The following COLEC12 variants were observed in gnomAD, a reference collection of about 807,000 sequenced individuals.
COLEC12 encodes collectin-12.
A neutral mutation model predicts 71.1 loss-of-function variants in COLEC12; 33 were observed. That is an observed-to-expected ratio of 0.46 (90% CI 0.35 to 0.62). The LOEUF (loss-of-function observed/expected upper bound fraction) is 0.62. Ranked by LOEUF, COLEC12 falls within the 20% of genes least tolerant of loss-of-function variation. COLEC12 has a pLI of 0.00. For missense variants in COLEC12, 765 were observed against 916.1 expected, an observed-to-expected ratio of 0.84 and a Z score of 2.13; for synonymous variants, 350 against 353.0, an observed-to-expected ratio of 0.99 and a Z score of 0.10.
Position 347,160 on chromosome 18 carries a change from T to C in COLEC12, c.462A>G (p.Lys154=), listed in dbSNP as rs752770409. 1.2e-6 allele frequency: 2 copies of C among 1,614,246 alleles called. No homozygotes were observed. The highest frequency in any genetic ancestry group is 8.5e-7 in the Non-Finnish European group (1 of 1,180,046). Residue 154 remains lysine (K), a synonymous_variant, in exon 5 of 10, where the codon AAA becomes AAG. Transcript: ENST00000400256. The part of the protein sequence containing the change: ...DALVDRQSQL[K]ETLENNSFLI... Reference sequence around the variant, plus strand: ...GGAAAGAGTTATTCTCCAAAGTTTCTTTCAATTGACTCTGCCTGTCCACCA... The same window carrying C: ...GGAAAGAGTTATTCTCCAAAGTTTCCTTCAATTGACTCTGCCTGTCCACCA...
At chr18:460,657 C>T (rs558260698) in intron 2 of COLEC12, among the ~76,000 whole-genome samples, 37 of 152,290 alleles carry the variant, frequency 2.4e-4, no homozygotes, top group Non-Finnish European at 4.0e-4. Flanking sequence ...CAAAAAGGCA[C>T]GTGAGAAGCC....
In COLEC12 at chr18:319,359, TATATAC is replaced by T. The variant is rs1283707343; in HGVS notation, c.*680_*685del. 0.044 allele frequency: 5,892 copies of T among 134,538 alleles called. 367 individuals carry two copies. The highest frequency in any genetic ancestry group is 0.063 in the Non-Finnish European group (3,960 of 62,600). The allele number at this position is 134,538 out of a possible 1,614,324, so 8.3% of individuals were successfully genotyped here. A position where few individuals can be genotyped will look rare whatever the true frequency, so the allele number is the denominator to read the frequency against. ...AAAAAAAAATATATATATATATATATATATACACATGTATATTTAATTATTTTTTTA... is the reference window on the plus strand; with the variant it reads ...AAAAAAAAATATATATATATATATATACATGTATATTTAATTATTTTTTTA... On this transcript the variant is annotated 3_prime_UTR_variant, in exon 10 of 10. Coordinates refer to ENST00000400256, the MANE Select transcript of COLEC12 (RefSeq NM_130386.3).
At position 441,067 on chromosome 18, in the gene COLEC12, T is replaced by G. The variant is rs190020605; in HGVS notation, c.58+39640A>C. 5.3e-3 allele frequency among the ~76,000 whole-genome samples: 754 copies of G among 142,174 alleles called. 7 individuals are homozygous for G. Among genetic ancestry groups the G allele is most frequent in the Middle Eastern group, 0.018 (5 of 282 alleles). 93.3% of individuals were successfully genotyped at this position (142,174 alleles called of 152,430 possible). A position where few individuals can be genotyped will look rare whatever the true frequency, so the allele number is the denominator to read the frequency against. On this transcript the variant is annotated intron_variant, in intron 2 of 9. Coordinates refer to ENST00000400256, the MANE Select transcript of COLEC12 (RefSeq NM_130386.3). ...ATGGAGACCATCCTGGCTAACACAG[T>G]GAAACCCTGTCTCTACTAAAAATAC...
chr18:340,140 AGAGTT>A (rs1356655609), intron 5 of COLEC12, among the ~76,000 whole-genome samples: 1 of 150,894 alleles, frequency 6.6e-6, no homozygotes, highest in East Asian at 1.9e-4. Context: ...ACTTGAATTC[AGAGTT>A]GAGAAAACAG....
chr18:329,602 G>C lies in COLEC12; in HGVS notation c.2063+2066C>G, dbSNP rs554169259. ...TCATCAGGCAAAGTCTCAAGTGCCA[G>C]ATTATGCCAGGGGGTACCCCTTCCT... is the stretch of plus-strand genomic sequence containing the variant. On this transcript the variant is annotated intron_variant, in intron 8 of 9. Transcript: ENST00000400256. Among the ~76,000 whole-genome samples the C allele has an allele frequency of 1.0e-3, 152 of 152,314 alleles. 1 individual carries two copies. Among genetic ancestry groups the C allele is most frequent in the African/African-American group, 3.2e-3 (133 of 41,564 alleles).
chr18:460,913 C>T lies in COLEC12; in HGVS notation c.58+19794G>A, dbSNP rs1463084232. ...CGTATCCAATTATCACAGGACTTTGCTTTAATGTCTTCATGGTCACGTTTC... is the reference window on the plus strand; with the variant it reads ...CGTATCCAATTATCACAGGACTTTGTTTTAATGTCTTCATGGTCACGTTTC... On this transcript the variant is annotated intron_variant, in intron 2 of 9. Transcript: ENST00000400256. Among the ~76,000 whole-genome samples the T allele has an allele frequency of 2.0e-5, 3 of 152,156 alleles. No individual in the cohort carries two copies. The East Asian group carries it at 5.8e-4, about 29-fold the overall frequency.
intron 2 of COLEC12, among the ~76,000 whole-genome samples, chr18:398,071 A>AC (rs1915607491): frequency 0.16 from 5 of 32 alleles, no homozygotes; most frequent in Non-Finnish European, 0.5. Context: ...AAAAAAACAC[A>AC]AAAAAACAGC....
chr18:348,823 G>GT (rs1419355403), intron 3 of COLEC12, among the ~76,000 whole-genome samples: 6 of 152,184 alleles, frequency 3.9e-5, no homozygotes, highest in African/African-American at 1.4e-4. Context: ...TTTTTTGGTA[G>GT]TATTTTCTTG....
chr18:329,138 C>A (rs756298838), intron 8 of COLEC12, among the ~76,000 whole-genome samples: 14 of 152,102 alleles, frequency 9.2e-5, no homozygotes, highest in Admixed American at 3.9e-4. Flanking sequence ...GGGTACCAAG[C>A]GGGTGCGCTC....
chr18:362,623 T>C lies in COLEC12; in HGVS notation c.59-5101A>G, dbSNP rs489104. Among the ~76,000 whole-genome samples the C allele has an allele frequency of 0.21, 31,546 of 151,992 alleles. 3,441 individuals carry two copies. The highest frequency in any genetic ancestry group is 0.24 in the African/African-American group (9,952 of 41,440). On this transcript the variant is annotated intron_variant, in intron 2 of 9. Transcript: ENST00000400256. The surrounding 1 kb of genome is among the most constrained non-coding windows in gnomAD (Gnocchi z 4.6). ...GGGAAGGAAGGGCTGGGGACTGATA[T>C]ACAGAGTGCTGCAGAGGAGAGATTT...
At chr18:411,203 G>A (rs1056451813) in intron 2 of COLEC12, among the ~76,000 whole-genome samples, 2 of 152,200 alleles carry the variant, frequency 1.3e-5, no homozygotes, top group African/African-American at 4.8e-5. Context: ...GTAATGAGGT[G>A]ATGCCTACCC....
At chr18:372,039 C>A (rs1179802518) in intron 2 of COLEC12, among the ~76,000 whole-genome samples, 1 of 152,096 alleles carries the variant, frequency 6.6e-6, no homozygotes, top group East Asian at 1.9e-4. Context: ...GACTTCTGCT[C>A]TCATTCTTCC....
intron 2 of COLEC12, among the ~76,000 whole-genome samples, chr18:406,150 G>T (rs1915780553): frequency 6.6e-6 from 1 of 152,060 alleles, no homozygotes; most frequent in Non-Finnish European, 1.5e-5. Flanking sequence ...ACTCTATAGG[G>T]TCTAAAAAGG....
intron 2 of COLEC12, among the ~76,000 whole-genome samples, chr18:368,441 G>GCA (rs1441196330): frequency 6.6e-6 from 1 of 152,102 alleles, no homozygotes; most frequent in Non-Finnish European, 1.5e-5. Flanking sequence ...GAGCATAGTG[G>GCA]CACATGCCTG....
intron 2 of COLEC12, among the ~76,000 whole-genome samples, chr18:427,521 T>C (rs761622312): frequency 3.3e-5 from 5 of 152,218 alleles, no homozygotes; most frequent in African/African-American, 1.2e-4. Flanking sequence ...CCTAGCTCTT[T>C]AGAGCTTCTT....
intron 2 of COLEC12, among the ~76,000 whole-genome samples, chr18:428,347 T>C (rs761530730): frequency 2.6e-5 from 4 of 152,170 alleles, no homozygotes; most frequent in Non-Finnish European, 5.9e-5. Context: ...ACTGGGAATA[T>C]GGCAGTGATT....
At chr18:342,850 G>A (rs1402842045) in intron 5 of COLEC12, among the ~76,000 whole-genome samples, 2 of 152,166 alleles carry the variant, frequency 1.3e-5, no homozygotes, top group East Asian at 1.9e-4. Flanking sequence ...AAACACCTTG[G>A]AGCCTGATTT....
At chr18:456,510 C>T (rs1458656745) in intron 2 of COLEC12, among the ~76,000 whole-genome samples, 4 of 152,162 alleles carry the variant, frequency 2.6e-5, no homozygotes, top group Admixed American at 1.3e-4. Context: ...CCTCCAGTGC[C>T]GGAACAGCAG....
intron 2 of COLEC12, among the ~76,000 whole-genome samples, chr18:468,519 T>A (rs1240614299): frequency 6.6e-6 from 1 of 152,112 alleles, no homozygotes; most frequent in Non-Finnish European, 1.5e-5. Context: ...CAGAAGTCTT[T>A]AAATAGCCAA....
Sources: allele counts gnomAD v4.1 joint callset (sites outside exome capture counted in the v4.1 genomes callset), GRCh38; gene constraint gnomAD v4.1.1; non-coding constraint Gnocchi (gnomAD v3.1); transcripts MANE v1.5; gene names NCBI Gene and HGNC (gene_info 2026-07-23, HGNC 2026-07-21).